Variants in CTNNA3 observed in about 807,000 individuals in gnomAD.
CTNNA3 encodes the protein catenin alpha 3.
A neutral mutation model predicts 95.7 loss-of-function variants in CTNNA3; 76 were observed. The observed-to-expected ratio is 0.79, with a 90% confidence interval of 0.66 to 0.96. The LOEUF is 0.96. Among genes scored for constraint, CTNNA3 ranks in the 40% least tolerant of loss-of-function variants. CTNNA3 has a pLI of 0.00. For synonymous variants in CTNNA3, 431 were observed against 374.4 expected (o/e 1.15, Z -1.74); for missense variants, 1,191 against 1,089.8 (o/e 1.09, Z -1.31).
chr10:67,425,547 G>A (rs146466403), intron 5 of CTNNA3, among the ~76,000 whole-genome samples: 10 of 152,004 alleles, frequency 6.6e-5, no homozygotes, highest in Non-Finnish European at 1.0e-4. Context: ...AAACCGTGCA[G>A]AAGCAGGGTA....
intron 3 of CTNNA3, among the ~76,000 whole-genome samples, chr10:67,562,651 G>A (rs554209083): frequency 2.0e-5 from 3 of 152,194 alleles, no homozygotes; most frequent in East Asian, 1.9e-4. Flanking sequence ...CAATCAGGCA[G>A]GAGAAGTAAA....
intron 1 of CTNNA3, among the ~76,000 whole-genome samples, chr10:67,705,636 G>C (rs1310917116): frequency 2.6e-5 from 3 of 113,824 alleles, no homozygotes; most frequent in African/African-American, 9.9e-5. Context: ...TGTGGGGTGG[G>C]GGGAGGGGGG....
chr10:67,204,379 T>C (rs933688165), intron 6 of CTNNA3, among the ~76,000 whole-genome samples: 13 of 149,062 alleles, frequency 8.7e-5, no homozygotes, highest in Admixed American at 7.9e-4. Context: ...CCTCCCCCCC[T>C]CTCTCTTCCT....
intron 7 of CTNNA3, among the ~76,000 whole-genome samples, chr10:67,016,079 C>G (rs569568060): frequency 6.6e-6 from 1 of 152,108 alleles, no homozygotes; most frequent in African/African-American, 2.4e-5. Flanking sequence ...TTTTAGAATA[C>G]GTATTTGTTG....
rs117078051 is a variant in CTNNA3 at position 67,654,447 on chromosome 10, T to C, written c.-5-6929A>G. Among the ~76,000 whole-genome samples the C allele has an allele frequency of 3.3e-3, 495 of 152,060 alleles. 2 individuals are homozygous for C. The highest frequency in any genetic ancestry group is 6.0e-3 in the Non-Finnish European group (406 of 67,990). ...ATTGTTTCCTCAATATGCCAAGATA[T>C]ATAATTGCCAAAGAGTTAAGGTGAA... On this transcript the variant is annotated intron_variant, in intron 1 of 17. Transcript: ENST00000433211.
chr10:66,777,341 T>C (rs918057171), intron 7 of CTNNA3, among the ~76,000 whole-genome samples: 2 of 152,188 alleles, frequency 1.3e-5, no homozygotes, highest in African/African-American at 4.8e-5. Flanking sequence ...CATGTTTTAG[T>C]TTCTTATAAA....
At chr10:66,278,190 T>TA (rs61272536) in intron 13 of CTNNA3, among the ~76,000 whole-genome samples, 24,641 of 141,710 alleles carry the variant, frequency 0.17, 2,475 homozygotes, top group Admixed American at 0.26. Flanking sequence ...GCATACAAGA[T>TA]AAAAAAAAGG....
chr10:67,359,043 C>T (rs897257987), intron 5 of CTNNA3, among the ~76,000 whole-genome samples: 11 of 151,914 alleles, frequency 7.2e-5, no homozygotes, highest in Non-Finnish European at 1.2e-4. Context: ...GATGACACCA[C>T]GAAAACATAA....
chr10:66,815,905 G>A (rs1249161255), intron 7 of CTNNA3, among the ~76,000 whole-genome samples: 1 of 152,082 alleles, frequency 6.6e-6, no homozygotes, highest in African/African-American at 2.4e-5. Flanking sequence ...TTCAGATGAA[G>A]AAATAAAGAG....
intron 7 of CTNNA3, among the ~76,000 whole-genome samples, chr10:66,851,683 T>C (rs1286899597): frequency 5.4e-5 from 8 of 147,338 alleles, no homozygotes; most frequent in African/African-American, 2.0e-4. Flanking sequence ...CCATGTGATA[T>C]GCCAGCTTCC....
chr10:67,200,611 G>A (rs1398711524), intron 6 of CTNNA3, among the ~76,000 whole-genome samples: 1 of 152,102 alleles, frequency 6.6e-6, no homozygotes, highest in African/African-American at 2.4e-5. Flanking sequence ...TCTGTATCAA[G>A]TCAAAATTCT....
chr10:66,854,593 T>C (rs1180149065), intron 7 of CTNNA3, among the ~76,000 whole-genome samples: 1 of 151,822 alleles, frequency 6.6e-6, no homozygotes, highest in East Asian at 1.9e-4. Context: ...CCAGGAGGAA[T>C]TTATTGGTGA....
At chr10:67,399,930 T>A (rs1209970422) in intron 5 of CTNNA3, among the ~76,000 whole-genome samples, 1 of 152,180 alleles carries the variant, frequency 6.6e-6, no homozygotes, top group Non-Finnish European at 1.5e-5. Context: ...CAATTTTTTT[T>A]TATTATACTT....
intron 5 of CTNNA3, among the ~76,000 whole-genome samples, chr10:67,242,602 C>G (rs1350282737): frequency 6.6e-6 from 1 of 152,182 alleles, no homozygotes; most frequent in Non-Finnish European, 1.5e-5. Flanking sequence ...CCAAAAGAAT[C>G]CCTGAATCTA....
At chr10:67,164,715 A>C (rs1861684602) in intron 7 of CTNNA3, among the ~76,000 whole-genome samples, 1 of 152,212 alleles carries the variant, frequency 6.6e-6, no homozygotes, top group Admixed American at 6.5e-5. Flanking sequence ...AAATCCTATT[A>C]GAAAATAGGC....
At chr10:66,500,626 T>C (rs1449223709) in intron 11 of CTNNA3, among the ~76,000 whole-genome samples, 3 of 152,098 alleles carry the variant, frequency 2.0e-5, no homozygotes, top group Non-Finnish European at 2.9e-5. Flanking sequence ...TAAATCACTA[T>C]CAAGACAGTG....
chr10:66,771,470 G>A (rs963106991), intron 8 of CTNNA3, among the ~76,000 whole-genome samples: 1 of 152,056 alleles, frequency 6.6e-6, no homozygotes, highest in Non-Finnish European at 1.5e-5. Context: ...ACTTTAAAAA[G>A]GCATTTAAAA....
intron 7 of CTNNA3, among the ~76,000 whole-genome samples, chr10:67,143,812 G>A (rs533353554): frequency 6.6e-6 from 1 of 152,198 alleles, no homozygotes; most frequent in Middle Eastern, 3.4e-3. Context: ...AGTAACTCAT[G>A]AGGGTTGGAA....
At chr10:66,628,851 CAT>C (rs1845032190) in intron 9 of CTNNA3, among the ~76,000 whole-genome samples, 1 of 151,926 alleles carries the variant, frequency 6.6e-6, no homozygotes, top group Non-Finnish European at 1.5e-5. Flanking sequence ...CATAAGAAGA[CAT>C]AAACTACATA....
Sources: allele counts gnomAD v4.1 joint callset (sites outside exome capture counted in the v4.1 genomes callset), GRCh38; gene constraint gnomAD v4.1.1; transcripts MANE v1.5; gene names NCBI Gene and HGNC (gene_info 2026-07-23, HGNC 2026-07-21).